The following NCOA3 variants were observed in gnomAD, a reference collection of about 807,000 sequenced individuals.
The protein encoded by NCOA3 is nuclear receptor coactivator 3, also known as CBP-interacting protein.
A neutral mutation model predicts 158.8 loss-of-function variants in NCOA3; 51 were observed. That is an observed-to-expected ratio of 0.32 (90% confidence interval 0.26 to 0.41). NCOA3 has a LOEUF of 0.41. NCOA3 is among the 10% of genes least tolerant of loss of function. NCOA3 has a pLI of 1.00. For synonymous variants in NCOA3, 537 were observed against 592.4 expected (o/e 0.91, Z 1.36); for missense variants, 1,510 against 1,746.6 (o/e 0.86, Z 2.41).
At chr20:47,535,334 C>T (rs917748752) in intron 1 of NCOA3, among the ~76,000 whole-genome samples, 17 of 152,132 alleles carry the variant, frequency 1.1e-4, no homozygotes, top group African/African-American at 2.9e-4. Flanking sequence ...CCCCAGTGGC[C>T]GTGTGTTACA....
At chr20:47,653,160 G>A (rs6125062) in intron 22 of NCOA3, 88 bp downstream of exon 22, 1 of 1,457,998 alleles carries the variant, frequency 6.9e-7, no homozygotes, top group Non-Finnish European at 9.3e-7. Flanking sequence ...GAATGTCCTA[G>A]GTATATTTTA....
chr20:47,567,001 A>G (rs1279180330), intron 1 of NCOA3, among the ~76,000 whole-genome samples: 2 of 139,622 alleles, frequency 1.4e-5, no homozygotes, highest in African/African-American at 5.3e-5. Context: ...AACAGTTTAC[A>G]TGGTATAGTA....
At position 47,506,012 on chromosome 20, in the gene NCOA3, C is replaced by T. The variant is rs746081169; in HGVS notation, c.-99+3993C>T. Among the ~76,000 whole-genome samples the T allele has an allele frequency of 4.2e-4, 64 of 152,034 alleles. 1 individual carries two copies. The highest frequency in any genetic ancestry group is 1.3e-4 in the Admixed American group (2 of 15,254). ...TAGAGATGGGGTTTCATCGTGTTGG[C>T]CAGGCTGGTCTCGAACTCCTGACCT... On this transcript the variant is annotated intron_variant, in intron 1 of 22. Transcript: ENST00000371998.
chr20:47,590,894 G>A (rs2085623031), intron 2 of NCOA3, among the ~76,000 whole-genome samples: 1 of 152,152 alleles, frequency 6.6e-6, no homozygotes, highest in African/African-American at 2.4e-5. Context: ...TTGATCACCT[G>A]AGGTCAGGAG....
At chr20:47,586,376 C>T (rs1056226824) in intron 2 of NCOA3, among the ~76,000 whole-genome samples, 5 of 151,992 alleles carry the variant, frequency 3.3e-5, no homozygotes, top group South Asian at 2.1e-4. Context: ...TTTCTACCCA[C>T]GTAAACACAC....
chr20:47,646,631 G>T (rs982284952), intron 17 of NCOA3, among the ~76,000 whole-genome samples: 4 of 152,154 alleles, frequency 2.6e-5, no homozygotes, highest in Admixed American at 2.6e-4. Context: ...AAATAAGAGA[G>T]CCTAGGACTG....
chr20:47,531,339 TCAAACAAACAAA>T (rs10664468), intron 1 of NCOA3, among the ~76,000 whole-genome samples: 1 of 150,458 alleles, frequency 6.6e-6, no homozygotes, highest in African/African-American at 2.4e-5. Flanking sequence ...CGAGACTATC[TCAAACAAACAAA>T]CAAACAAACA....
intron 1 of NCOA3, among the ~76,000 whole-genome samples, chr20:47,561,640 A>G (rs2085108352): frequency 6.6e-6 from 1 of 152,022 alleles, no homozygotes; most frequent in Non-Finnish European, 1.5e-5. Context: ...TTTAAAGAGC[A>G]GTTTAAGGTT....
intron 1 of NCOA3, among the ~76,000 whole-genome samples, chr20:47,548,087 C>A (rs917703537): frequency 1.3e-5 from 2 of 151,568 alleles, no homozygotes; most frequent in Admixed American, 1.3e-4. Context: ...TTCTAGAAAT[C>A]CATTTAAGAT....
chr20:47,613,665 C>T (rs72645228), intron 2 of NCOA3, among the ~76,000 whole-genome samples: 2,768 of 152,192 alleles, frequency 0.018, 89 homozygotes, highest in African/African-American at 0.063. Context: ...GTAATCCCAG[C>T]ACTTTGGGAG....
chr20:47,616,471 G>A (rs2086141418), intron 2 of NCOA3, among the ~76,000 whole-genome samples: 4 of 152,176 alleles, frequency 2.6e-5, no homozygotes, highest in African/African-American at 9.6e-5. Flanking sequence ...AGGATTACAG[G>A]CGTGAGCCAC....
chr20:47,507,648 C>G (rs529181308), intron 1 of NCOA3, among the ~76,000 whole-genome samples: 1 of 152,128 alleles, frequency 6.6e-6, no homozygotes, highest in Non-Finnish European at 1.5e-5. Flanking sequence ...GATGGAGTTT[C>G]ACTCTTGTTG....
At position 47,635,476 on chromosome 20, in the gene NCOA3, A is replaced by G; in HGVS notation, c.1267A>G (p.Ser423Gly). ...SSRAYGLADP[S>G]TTGQMSGARY... The stretch of plus-strand genomic sequence containing the variant: ...CAGGGCCTATGGCTTGGCAGACCCT[A>G]GCACCACAGGGCAGATGAGTGGAGC... The change falls in exon 11 of 23, where the codon AGC becomes GGC. Residue 423 changes from serine (S) to glycine (G), a missense_variant. Ser to Gly is a moderately conservative substitution (Grantham distance 56). Transcript: ENST00000371998. The G allele has an allele frequency of 6.2e-7, 1 of 1,614,130 alleles. No homozygotes were observed. The highest frequency in any genetic ancestry group is 8.5e-7 in the Non-Finnish European group (1 of 1,180,022).
At chr20:47,566,998 T>C (rs2085205087) in intron 1 of NCOA3, among the ~76,000 whole-genome samples, 1 of 145,584 alleles carries the variant, frequency 6.9e-6, no homozygotes, top group South Asian at 2.2e-4. Flanking sequence ...ACTAACAGTT[T>C]ACATGGTATA....
At chr20:47,623,815 T>A in intron 3 of NCOA3, 96 bp from the exon 4 acceptor site, 1 of 1,088,652 alleles carries the variant, frequency 9.2e-7, no homozygotes, top group Non-Finnish European at 1.3e-6. Flanking sequence ...AAAGTAATCA[T>A]GTAATAGTGT....
intron 1 of NCOA3, among the ~76,000 whole-genome samples, chr20:47,550,155 G>A (rs1158755133): frequency 5.3e-5 from 8 of 150,820 alleles, no homozygotes; most frequent in Admixed American, 5.3e-4. Context: ...TTTTTAAAAG[G>A]GTTTGAAGTC....
At chr20:47,533,309 ATTGATTTT>A (rs958826018) in intron 1 of NCOA3, among the ~76,000 whole-genome samples, 5 of 136,670 alleles carry the variant, frequency 3.7e-5, no homozygotes, top group African/African-American at 1.5e-4. Context: ...AAAAAAGATC[ATTGATTTT>A]TTTTTTTCTT....
chr20:47,535,415 C>T (rs1184260121), intron 1 of NCOA3, among the ~76,000 whole-genome samples: 1 of 152,182 alleles, frequency 6.6e-6, no homozygotes, highest in Non-Finnish European at 1.5e-5. Flanking sequence ...TCTGCCTTAT[C>T]GCAAGGATAG....
rs564087473 is a variant in NCOA3, at chr20:47,656,486, C to T, written c.*3069C>T. 6.6e-6 allele frequency: 1 copy of T among 152,398 alleles called. No individual in the cohort carries two copies. Among genetic ancestry groups the T allele is most frequent in the South Asian group, 2.1e-4 (1 of 4,816 alleles). 9.4% of individuals were successfully genotyped at this position (152,398 alleles called of 1,614,324 possible). ...GGATTGCCAGTTACATGTATGCCTG[C>T]CCAGTTCCCTTTTTATTTGCAGAAG... On this transcript the variant is annotated 3_prime_UTR_variant, in exon 23 of 23. Transcript: ENST00000371998.
Sources: allele counts gnomAD v4.1 joint callset (sites outside exome capture counted in the v4.1 genomes callset), GRCh38; gene constraint gnomAD v4.1.1; transcripts MANE v1.5; gene names NCBI Gene and HGNC (gene_info 2026-07-23, HGNC 2026-07-21).